Variants in FES observed in about 807,000 individuals in gnomAD.
FES encodes the protein tyrosine-protein kinase Fes/Fps.
A neutral mutation model predicts 109.6 loss-of-function variants in FES; 83 were observed. The ratio of observed to expected loss-of-function variants is 0.76; its 90% CI spans 0.63 to 0.91. The LOEUF is 0.91. FES is among the 40% of genes least tolerant of loss of function. FES has a pLI of 0.00. For synonymous variants in FES, 458 were observed against 442.1 expected, an observed-to-expected ratio of 1.04 and a Z score of -0.45; for missense variants, 943 against 1,070.9, an observed-to-expected ratio of 0.88 and a Z score of 1.67.
At chr15:90,888,751 T>C (rs754448245) in intron 5 of FES, among the ~76,000 whole-genome samples, 35 of 11,714 alleles carry the variant, frequency 3.0e-3, no homozygotes, top group Admixed American at 8.9e-3. Flanking sequence ...GCAGTTCATT[T>C]ATTTATTTAT....
intron 12 of FES, 105 bp from the exon 13 acceptor site, chr15:90,891,953 C>A: frequency 1.6e-6 from 2 of 1,285,166 alleles, no homozygotes; most frequent in Non-Finnish European, 2.1e-6. Context: ...TGGTCCCACC[C>A]CTGGTCACAT....
At position 90,891,692 on chromosome 15, in the gene FES, G is replaced by T; in HGVS notation, c.1653+16G>T. On this transcript the variant is annotated intron_variant, in intron 12 of 18. Coordinates refer to ENST00000328850, the MANE Select transcript of FES (RefSeq NM_002005.4). Reference sequence around the variant, plus strand: ...TGTGCCCAAGGTGAGCCTGCACCCAGCCTGGCCCATGCCACCTGTGGCAGG... The same window carrying T: ...TGTGCCCAAGGTGAGCCTGCACCCATCCTGGCCCATGCCACCTGTGGCAGG... 1 of 1,612,856 alleles carries T rather than the reference G, an allele frequency of 6.2e-7. No individual in the cohort carries two copies. Among genetic ancestry groups the T allele is most frequent in the Non-Finnish European group, 8.5e-7 (1 of 1,179,392 alleles).
intron 18 of FES, among the ~76,000 whole-genome samples, chr15:90,894,902 C>A (rs2151273859): frequency 6.6e-6 from 1 of 152,004 alleles, no homozygotes. Flanking sequence ...CCTGTCTCTA[C>A]TAAAAATACA....
chr15:90,891,789 C>A, intron 12 of FES, 113 bp downstream of exon 12: 5 of 1,463,906 alleles, frequency 3.4e-6, no homozygotes, highest in Middle Eastern at 1.9e-4. Context: ...CGTCTACATA[C>A]AAGATGCAGA....
chr15:90,887,432 G>T (rs1166200758), intron 5 of FES, 62 bp downstream of exon 5: 3 of 1,490,758 alleles, frequency 2.0e-6, no homozygotes, highest in Non-Finnish European at 2.7e-6. Flanking sequence ...CAGCCATCAG[G>T]CCCAGAGGCA....
rs61738507 is a variant in FES, at chr15:90,893,108, A to C, written c.1835A>C (p.Lys612Thr). Residue 612 changes from lysine (K) to threonine (T), a missense_variant, in exon 15 of 19, where the codon AAG (lysine) becomes ACG (threonine). Coordinates refer to ENST00000328850, the MANE Select transcript of FES (RefSeq NM_002005.4). ...AKFLQEARILKQYSHPNIVRL... is the reference protein window; with the variant it reads ...AKFLQEARILTQYSHPNIVRL... ...GCAGCAGTGCCCTCCAGGATCCTGA[A>C]GCAGTACAGCCACCCCAACATCGTG... The C allele has an allele frequency of 1.9e-6, 3 of 1,613,588 alleles. No homozygotes were observed. The highest frequency in any genetic ancestry group is 2.5e-6 in the Non-Finnish European group (3 of 1,179,846).
At chr15:90,892,685 T>C (rs1174219220) in intron 13 of FES, 22 bp from the exon 14 acceptor site, 1 of 1,580,640 alleles carries the variant, frequency 6.3e-7, no homozygotes, top group Non-Finnish European at 8.6e-7. Context: ...AAGGCCGTGG[T>C]AGGAGCCCAA....
chr15:90,885,995 G>A (rs1477652505), intron 3 of FES, among the ~76,000 whole-genome samples: 2 of 152,204 alleles, frequency 1.3e-5, no homozygotes, highest in African/African-American at 4.8e-5. Flanking sequence ...ATGGCCCCCC[G>A]AAGGTCGAGG....
In FES at chr15:90,889,696, T is replaced by C. The variant is rs2033010897; in HGVS notation, c.926+60T>C. ...GCTCCCAGCAGACCACGAGTGTTTATGTAGGCAGGGCTAGGTCGTGGAGAC... is the reference window on the plus strand; with the variant it reads ...GCTCCCAGCAGACCACGAGTGTTTACGTAGGCAGGGCTAGGTCGTGGAGAC... On this transcript the variant is annotated intron_variant, in intron 7 of 18. Coordinates refer to ENST00000328850, the MANE Select transcript of FES (RefSeq NM_002005.4). The surrounding 1 kb of genome is among the most constrained non-coding windows in gnomAD (Gnocchi z 6.1). 6 of 1,608,210 alleles carry C rather than the reference T, an allele frequency of 3.7e-6. No homozygotes were observed. Among genetic ancestry groups the C allele is most frequent in the South Asian group, 1.1e-5 (1 of 90,522 alleles).
chr15:90,887,353 G>T lies in FES; in HGVS notation c.651G>T (p.Glu217Asp). The part of the protein sequence containing the change: ...GLLRSLQDLH[E>D]EMACILKEIL... Reference sequence around the variant, plus strand: ...TGCGGTCACTGCAGGACCTGCACGAGGAGATGGCTTGCATCCTGTAAGCCC... The same window carrying T: ...TGCGGTCACTGCAGGACCTGCACGATGAGATGGCTTGCATCCTGTAAGCCC... Residue 217 changes from glutamate to aspartate, a missense_variant, in exon 5 of 19, where the codon GAG becomes GAT. By Grantham distance (45) the Glu-to-Asp change is conservative (BLOSUM62 2). Transcript: ENST00000328850. The T allele has an allele frequency of 6.2e-7, 1 of 1,611,532 alleles. No individual in the cohort carries two copies.
chr15:90,893,889 C>T, intron 17 of FES, 47 bp from the exon 18 acceptor site: 9 of 1,611,640 alleles, frequency 5.6e-6, no homozygotes, highest in Non-Finnish European at 7.6e-6. Flanking sequence ...GCCCTGGCCC[C>T]AGGGAGGGTG....
In FES at chr15:90,885,059, C is replaced by T. The variant is rs370302986; in HGVS notation, c.14C>T (p.Ser5Phe). 421 of 1,611,670 alleles carry T rather than the reference C, an allele frequency of 2.6e-4. No individual in the cohort carries two copies. The highest frequency in any genetic ancestry group is 3.5e-4 in the Non-Finnish European group (408 of 1,179,460). MGFS[S>F]ELCSPQGHGV... ...CAGAACAGCACTATGGGCTTCTCTT[C>T]CGAGCTGTGCAGCCCCCAGGGCCAC... The change falls in exon 2 of 19, where the codon TCC (serine) becomes TTC (phenylalanine). Residue 5 changes from serine (S) to phenylalanine (F), a missense_variant. Transcript: ENST00000328850.
chr15:90,890,062 A>G, intron 8 of FES, 30 bp from the exon 9 acceptor site: 2 of 1,553,584 alleles, frequency 1.3e-6, no homozygotes, highest in Non-Finnish European at 1.7e-6. Flanking sequence ...CCTTATTCTC[A>G]TCCACCCTCC....
chr15:90,885,838 G>A (rs1291826459), intron 3 of FES, among the ~76,000 whole-genome samples: 5 of 152,200 alleles, frequency 3.3e-5, no homozygotes, highest in Non-Finnish European at 5.9e-5. Context: ...CCGGTCACGT[G>A]CCTGGGAGAA....
rs369350600 is a variant in FES, at chr15:90,885,025, T to C, written c.-9-12T>C. 1,330 of 1,585,840 alleles carry C rather than the reference T, an allele frequency of 8.4e-4. 23 individuals are homozygous for C. The South Asian group carries it at 0.014, about 17-fold the overall frequency. On this transcript the variant is annotated splice_polypyrimidine_tract_variant and intron_variant, in intron 1 of 18. Transcript: ENST00000328850. ...GCCTTGCCTCCAGGGATGGCCCCTT[T>C]TCTGTCCCCAGAACAGCACTATGGG...
At chr15:90,894,747 C>CG (rs1555432575) in intron 18 of FES, among the ~76,000 whole-genome samples, 1 of 150,944 alleles carries the variant, frequency 6.6e-6, no homozygotes, top group South Asian at 2.1e-4. Context: ...ACCTGGGTGA[C>CG]AGAGAGAGAG....
Position 90,889,438 on chromosome 15 carries a change from G to C in FES, c.801G>C (p.Gln267His), listed in dbSNP as rs774605585. The change falls in exon 6 of 19, where the codon CAG becomes CAC. Residue 267 changes from glutamine to histidine, a missense_variant. By Grantham distance (24) the Gln-to-His change is conservative (BLOSUM62 0). Coordinates refer to ENST00000328850, the MANE Select transcript of FES (RefSeq NM_002005.4). The surrounding 1 kb of genome is among the most constrained non-coding windows in gnomAD (Gnocchi z 6.1). ...CTGAGTACCAAGGCTTCCTGCGACAGTATGGGTAAGCCCCGTCCTTGCTCC... is the reference window on the plus strand; with the variant it reads ...CTGAGTACCAAGGCTTCCTGCGACACTATGGGTAAGCCCCGTCCTTGCTCC... ...PEAEYQGFLR[Q>H]YGSAPDVPPC... 3.1e-6 allele frequency: 5 copies of C among 1,614,052 alleles called. No homozygotes were observed. In the East Asian group the frequency reaches 1.1e-4, roughly 36 times the overall value.
rs778140950 is a variant in FES at position 90,889,863 on chromosome 15, T to C, written c.950T>C (p.Leu317Pro). 4 of 1,610,930 alleles carry C rather than the reference T, an allele frequency of 2.5e-6. No homozygotes were observed. The highest frequency in any genetic ancestry group is 3.3e-5 in the Admixed American group (2 of 59,794). Residue 317 changes from leucine (L) to proline (P), a missense_variant, in exon 8 of 19, where the codon CTG (leucine) becomes CCG (proline). Transcript: ENST00000328850. The surrounding 1 kb of genome is among the most constrained non-coding windows in gnomAD (Gnocchi z 6.1). Reference sequence around the variant, plus strand: ...AGGCTGACCTCAGTGACAGATGAGCTGGCTGTGGCCACCGAGATGGTGTTC... The same window carrying C: ...AGGCTGACCTCAGTGACAGATGAGCCGGCTGTGGCCACCGAGATGGTGTTC... ...QHTLTSVTDE[L>P]AVATEMVFRR...
In FES at chr15:90,889,617, G is replaced by T; in HGVS notation, c.907G>T (p.Val303Leu). 2.5e-6 allele frequency: 4 copies of T among 1,613,446 alleles called. No homozygotes were observed. The South Asian group carries it at 4.4e-5, about 18-fold the overall frequency. ...GGAGCTCCAGCTGAACGAGCTGACT[G>T]TGGAGAGCGTGCAGCACACGTGGGT... ...PGELQLNELT[V>L]ESVQHTLTSV... Residue 303 changes from valine to leucine, a missense_variant, in exon 7 of 19, where the codon GTG becomes TTG. Physicochemically the swap from Val to Leu is conservative, Grantham distance 32 (BLOSUM62 1). Transcript: ENST00000328850. This position sits in a 1 kb window ranked among gnomAD's most constrained non-coding sequence, Gnocchi z 6.1.
Sources: gnomAD v4.1 joint callset for allele counts (sites outside exome capture counted in the v4.1 genomes callset) on GRCh38, gnomAD v4.1.1 for gene constraint, Gnocchi (gnomAD v3.1) non-coding constraint, MANE v1.5 for transcripts, NCBI Gene and HGNC (gene_info 2026-07-23, HGNC 2026-07-21) for gene names.